RIMS2: variants seen among roughly 807,000 people sequenced by gnomAD.
RIMS2 encodes the protein regulating synaptic membrane exocytosis 2, also known as regulating synaptic membrane exocytosis protein 2.
A neutral mutation model predicts 174.4 loss-of-function variants in RIMS2; 59 were observed. The observed-to-expected ratio is 0.34, with a 90% CI of 0.27 to 0.42. The LOEUF (loss-of-function observed/expected upper bound fraction) is 0.42. Ranked by LOEUF, RIMS2 falls within the 10% of genes least tolerant of loss-of-function variation. The pLI, the probability that RIMS2 is intolerant of heterozygous loss-of-function variation, is 1.00. For synonymous variants in RIMS2, 606 were observed against 572.5 expected (o/e 1.06, Z -0.84); for missense variants, 1,620 against 1,666.3 (o/e 0.97, Z 0.48).
intron 19 of RIMS2, among the ~76,000 whole-genome samples, chr8:104,100,204 G>A (rs2097846176): frequency 6.6e-6 from 1 of 151,872 alleles, no homozygotes; most frequent in Non-Finnish European, 1.5e-5. Flanking sequence ...TGAGTATTTT[G>A]TTTAGATGCT....
intron 19 of RIMS2, among the ~76,000 whole-genome samples, chr8:104,231,574 G>A (rs2099229290): frequency 6.6e-6 from 1 of 152,144 alleles, no homozygotes; most frequent in African/African-American, 2.4e-5. Flanking sequence ...GTAGACAGAG[G>A]AAAAACTGTG....
At chr8:103,977,010 C>T (rs1424696056) in intron 16 of RIMS2, 1 of 152,122 alleles carries the variant, frequency 6.6e-6, no homozygotes. Context: ...TTACATTGTA[C>T]ATACTTGGAA....
chr8:103,748,568 C>G (rs1293621418), intron 2 of RIMS2, among the ~76,000 whole-genome samples: 4 of 152,140 alleles, frequency 2.6e-5, no homozygotes, highest in Non-Finnish European at 5.9e-5. Flanking sequence ...AATTTCTTCT[C>G]TGCAAGGTCG....
chr8:103,984,101 G>C (rs1352640760), intron 16 of RIMS2, among the ~76,000 whole-genome samples: 1 of 152,118 alleles, frequency 6.6e-6, no homozygotes, highest in African/African-American at 2.4e-5. Context: ...GTGAACCTGG[G>C]AGGCGGAGCT....
At chr8:103,921,649 G>T in intron 9 of RIMS2, 23 bp from the exon 13 acceptor site, 1 of 890,920 alleles carries the variant, frequency 1.1e-6, no homozygotes, top group Non-Finnish European at 1.9e-6. Flanking sequence ...GTTATTATTC[G>T]TTATGTGTAA....
chr8:104,058,037 A>C (rs562240948), intron 19 of RIMS2, among the ~76,000 whole-genome samples: 178 of 151,966 alleles, frequency 1.2e-3, no homozygotes, highest in Admixed American at 2.2e-3. Context: ...ATATGTGTGC[A>C]TGTGTCTTTA....
chr8:103,608,534 C>CA lies in RIMS2; in HGVS notation c.177-88552_177-88551insA, dbSNP rs2095236855. On this transcript the variant is annotated intron_variant, in intron 1 of 23. Transcript: ENST00000504942. ...GTGGGCTCCACCCAGTTCGAGCTTC[C>CA]CGCTGCTTTGTTTACCTAAGCAAGC... Among the ~76,000 whole-genome samples the CA allele has an allele frequency of 4.5e-5, 6 of 132,586 alleles. No homozygotes were observed. The South Asian group carries it at 1.1e-3, about 24-fold the overall frequency. 87.0% of individuals were successfully genotyped at this position (132,586 alleles called of 152,430 possible). A position where few individuals can be genotyped will look rare whatever the true frequency, so the allele number is the denominator to read the frequency against.
chr8:104,198,872 G>A (rs1362250231), intron 19 of RIMS2, among the ~76,000 whole-genome samples: 1 of 152,098 alleles, frequency 6.6e-6, no homozygotes, highest in African/African-American at 2.4e-5. Flanking sequence ...CGATTAATAG[G>A]AGAAAAGCAC....
chr8:104,082,219 A>G (rs2154563379), intron 19 of RIMS2, among the ~76,000 whole-genome samples: 1 of 152,188 alleles, frequency 6.6e-6, no homozygotes, highest in Non-Finnish European at 1.5e-5. Context: ...GGGAAAAAAG[A>G]AAAGGAAAAA....
chr8:103,627,758 A>G (rs1204623670), intron 1 of RIMS2, among the ~76,000 whole-genome samples: 2 of 152,232 alleles, frequency 1.3e-5, no homozygotes, highest in African/African-American at 4.8e-5. Context: ...CTGACTTAAC[A>G]TGTTATAACA....
chr8:103,612,868 C>G (rs6983711), intron 1 of RIMS2, among the ~76,000 whole-genome samples: 1 of 152,004 alleles, frequency 6.6e-6, no homozygotes, highest in Admixed American at 6.5e-5. Context: ...TGCACCTGGC[C>G]AAGACTCTTG....
chr8:103,898,416 A>G (rs1310078422), intron 4 of RIMS2, among the ~76,000 whole-genome samples: 1 of 151,664 alleles, frequency 6.6e-6, no homozygotes, highest in Non-Finnish European at 1.5e-5. Flanking sequence ...CATATTTACC[A>G]GTTCAGTGTC....
chr8:103,598,872 A>G (rs1320844497), intron 1 of RIMS2, among the ~76,000 whole-genome samples: 2 of 152,142 alleles, frequency 1.3e-5, no homozygotes, highest in East Asian at 3.9e-4. Context: ...GCTTCTGTCT[A>G]TAAGGGGGAT....
Position 103,668,328 on chromosome 8 carries a change from T to C in RIMS2, c.177-28758T>C, listed in dbSNP as rs545101912. Among the ~76,000 whole-genome samples, 8 of 152,332 alleles carry C rather than the reference T, an allele frequency of 5.3e-5. No individual in the cohort carries two copies. The South Asian group carries it at 1.7e-3, about 32-fold the overall frequency. On this transcript the variant is annotated intron_variant, in intron 1 of 23. Transcript: ENST00000504942. ...AACAAGTACCTTTATCACTAGAGACTTTTCCAGGAATGTCCCATGAGGGAA... is the reference window on the plus strand; with the variant it reads ...AACAAGTACCTTTATCACTAGAGACCTTTCCAGGAATGTCCCATGAGGGAA...
chr8:104,150,543 C>G (rs776347167), intron 19 of RIMS2, among the ~76,000 whole-genome samples: 10 of 152,088 alleles, frequency 6.6e-5, no homozygotes, highest in Non-Finnish European at 1.3e-4. Flanking sequence ...GAGATGATGC[C>G]TCATCAGAGG....
chr8:103,927,917 C>T (rs1476480563), intron 11 of RIMS2: 2 of 1,591,404 alleles, frequency 1.3e-6, no homozygotes, highest in East Asian at 2.2e-5. Context: ...CTGATAGAAA[C>T]TAAAGTTGTG....
chr8:103,907,815 G>A (rs1010198048), intron 4 of RIMS2, among the ~76,000 whole-genome samples: 15 of 148,198 alleles, frequency 1.0e-4, no homozygotes, highest in African/African-American at 3.5e-4. Flanking sequence ...GTGCGCTCCC[G>A]GCTCACTGCA....
intron 19 of RIMS2, among the ~76,000 whole-genome samples, chr8:104,121,286 T>C (rs895489987): frequency 1.1e-4 from 17 of 152,098 alleles, no homozygotes; most frequent in African/African-American, 3.9e-4. Flanking sequence ...TGCAAATAAA[T>C]AGGAAAGAAT....
intron 3 of RIMS2, among the ~76,000 whole-genome samples, chr8:103,779,726 G>A (rs1283593831): frequency 7.3e-6 from 1 of 137,006 alleles, no homozygotes; most frequent in East Asian, 2.2e-4. Context: ...ACACAGGGTG[G>A]GGAGCACCAC....
Sources: allele counts gnomAD v4.1 joint callset (sites outside exome capture counted in the v4.1 genomes callset), GRCh38; gene constraint gnomAD v4.1.1; transcripts MANE v1.5; gene names NCBI Gene and HGNC (gene_info 2026-07-23, HGNC 2026-07-21).